The following ITSN1 variants were observed in gnomAD, a reference collection of about 807,000 sequenced individuals.
The protein encoded by ITSN1 is intersectin 1.
Under a neutral mutation model 239.8 loss-of-function variants are expected in ITSN1, and 58 were observed. The ratio of observed to expected loss-of-function variants is 0.24; its 90% CI spans 0.20 to 0.30. ITSN1 has a LOEUF of 0.30. Among genes scored for constraint, ITSN1 ranks in the 10% least tolerant of loss-of-function variants. The probability of loss-of-function intolerance (pLI) is 1.00; values close to 1 mark genes in which losing one functional copy is unlikely to be tolerated. For missense variants in ITSN1, 1,558 were observed against 2,103.3 expected, an observed-to-expected ratio of 0.74 and a Z score of 5.07; for synonymous variants, 780 against 770.8, an observed-to-expected ratio of 1.01 and a Z score of -0.20.
intron 30 of ITSN1, 110 bp downstream of exon 30, chr21:33,856,967 G>A: frequency 9.6e-7 from 1 of 1,036,752 alleles, no homozygotes; most frequent in Non-Finnish European, 1.4e-6. Flanking sequence ...GAAACTTTCT[G>A]ATGTTTGAGG....
At chr21:33,679,698 C>CTTTTTTTTTTTTT (rs34301203) in intron 1 of ITSN1, among the ~76,000 whole-genome samples, 1 of 86,320 alleles carries the variant, frequency 1.2e-5, no homozygotes. Context: ...GATCCTTATC[C>CTTTTTTTTTTTTT]TTTTTTTTTT....
intron 1 of ITSN1, among the ~76,000 whole-genome samples, chr21:33,650,172 G>A (rs1172702337): frequency 6.6e-6 from 1 of 152,110 alleles, no homozygotes; most frequent in Non-Finnish European, 1.5e-5. Context: ...TGTTGCACTG[G>A]TGAGCATTTG....
intron 3 of ITSN1, chr21:33,721,784 A>G (rs1405014175): frequency 6.6e-6 from 1 of 151,232 alleles, no homozygotes; most frequent in African/African-American, 2.4e-5. Flanking sequence ...ACAGAGCGAG[A>G]CTCCATCTCA....
intron 29 of ITSN1, chr21:33,838,054 A>G (rs1249908152): frequency 3.0e-6 from 3 of 985,710 alleles, no homozygotes; most frequent in South Asian, 4.7e-5. Context: ...TTTTTTAACT[A>G]GACTGTGGAA....
In ITSN1 at chr21:33,894,848, C is replaced by T. The variant is rs894475512; in HGVS notation, c.*6548C>T. 2 of 152,228 alleles carry T rather than the reference C, an allele frequency of 1.3e-5. No individual in the cohort carries two copies. The highest frequency in any genetic ancestry group is 4.8e-5 in the African/African-American group (2 of 41,450). The allele number at this position is 152,228 out of a possible 1,614,324, so 9.4% of individuals were successfully genotyped here. A position where few individuals can be genotyped will look rare whatever the true frequency, so the allele number is the denominator to read the frequency against. ...TTTGCAGCGTTGGGTGAGCAGCAGCCGCTGCCATTCTGTGCACTGTCACCG... is the reference window on the plus strand; with the variant it reads ...TTTGCAGCGTTGGGTGAGCAGCAGCTGCTGCCATTCTGTGCACTGTCACCG... On this transcript the variant is annotated 3_prime_UTR_variant, in exon 40 of 40. Coordinates refer to ENST00000381318, the MANE Select transcript of ITSN1 (RefSeq NM_003024.3).
At chr21:33,752,621 C>T (rs1490401607) in intron 7 of ITSN1, among the ~76,000 whole-genome samples, 4 of 152,128 alleles carry the variant, frequency 2.6e-5, no homozygotes, top group African/African-American at 9.7e-5. Flanking sequence ...TGTGGTGGCT[C>T]ACACCTGTAA....
intron 9 of ITSN1, among the ~76,000 whole-genome samples, chr21:33,764,558 T>A (rs2068587638): frequency 6.6e-6 from 1 of 152,082 alleles, no homozygotes. Context: ...AGATGTGGAA[T>A]TTTAGGTAGA....
intron 27 of ITSN1, among the ~76,000 whole-genome samples, chr21:33,830,156 G>C (rs546332840): frequency 6.6e-6 from 1 of 152,098 alleles, no homozygotes; most frequent in African/African-American, 2.4e-5. Flanking sequence ...TTTAGTTCCC[G>C]TGTGTGTGCG....
chr21:33,883,143 A>G (rs978079817), intron 35 of ITSN1, among the ~76,000 whole-genome samples: 1 of 152,226 alleles, frequency 6.6e-6, no homozygotes, highest in Non-Finnish European at 1.5e-5. Flanking sequence ...GCTTGATGTA[A>G]AGTGGATGAA....
At chr21:33,649,705 G>A (rs2088327414) in intron 1 of ITSN1, among the ~76,000 whole-genome samples, 1 of 152,130 alleles carries the variant, frequency 6.6e-6, no homozygotes, top group Non-Finnish European at 1.5e-5. Context: ...TTGAATTCAA[G>A]TGAATTCGAA....
chr21:33,780,971 G>A (rs1352049896), intron 14 of ITSN1, among the ~76,000 whole-genome samples: 1 of 152,164 alleles, frequency 6.6e-6, no homozygotes, highest in Non-Finnish European at 1.5e-5. Context: ...TAAGATTCTA[G>A]TTGTTAAAAA....
intron 20 of ITSN1, among the ~76,000 whole-genome samples, chr21:33,809,551 A>AT (rs1401428786): frequency 6.6e-6 from 1 of 152,096 alleles, no homozygotes; most frequent in East Asian, 1.9e-4. Flanking sequence ...TAATGTAATC[A>AT]TTTTTTGCTT....
chr21:33,863,811 T>C (rs1981078890), intron 31 of ITSN1, among the ~76,000 whole-genome samples: 1 of 152,242 alleles, frequency 6.6e-6, no homozygotes, highest in African/African-American at 2.4e-5. Flanking sequence ...GTCATCACCC[T>C]TGAGCACATT....
chr21:33,675,145 G>C (rs2090515076), intron 1 of ITSN1, among the ~76,000 whole-genome samples: 1 of 152,094 alleles, frequency 6.6e-6, no homozygotes, highest in South Asian at 2.1e-4. Flanking sequence ...TAATTCTGAA[G>C]CATCTTTTTT....
intron 8 of ITSN1, among the ~76,000 whole-genome samples, chr21:33,759,962 G>A (rs1450992648): frequency 6.6e-6 from 1 of 152,058 alleles, no homozygotes; most frequent in Admixed American, 6.6e-5. Context: ...AATTAGCCAG[G>A]TGTGGTGGCG....
intron 17 of ITSN1, among the ~76,000 whole-genome samples, chr21:33,795,040 G>A (rs566925243): frequency 6.6e-6 from 1 of 152,304 alleles, no homozygotes; most frequent in Non-Finnish European, 1.5e-5. Flanking sequence ...AGAAATTTGT[G>A]TCTGATTTTG....
chr21:33,781,619 C>T (rs1602200016), intron 15 of ITSN1, 71 bp downstream of exon 15: 3 of 889,962 alleles, frequency 3.4e-6, no homozygotes, highest in East Asian at 2.8e-5. Context: ...CTCACTCTGT[C>T]CCCCAGGCTG....
At chr21:33,869,116 G>A (rs952636169) in intron 33 of ITSN1, among the ~76,000 whole-genome samples, 2 of 152,124 alleles carry the variant, frequency 1.3e-5, no homozygotes, top group African/African-American at 2.4e-5. Context: ...GTAATGCTAC[G>A]ACCTGTCTTC....
chr21:33,767,369 A>C (rs1039337975), intron 10 of ITSN1, among the ~76,000 whole-genome samples: 1 of 152,120 alleles, frequency 6.6e-6, no homozygotes, highest in Non-Finnish European at 1.5e-5. Flanking sequence ...GGAGGAATTT[A>C]AGGTTACTTG....
Sources: allele counts gnomAD v4.1 joint callset (sites outside exome capture counted in the v4.1 genomes callset), GRCh38; gene constraint gnomAD v4.1.1; transcripts MANE v1.5; gene names NCBI Gene and HGNC (gene_info 2026-07-23, HGNC 2026-07-21).